BRIP1: variants seen among roughly 807,000 people sequenced by gnomAD.
BRIP1 encodes the protein Fanconi anemia group J protein.
In BRIP1, 88 loss-of-function variants were observed where a neutral mutation model predicts 119.7. That is an observed-to-expected ratio of 0.74 (90% CI 0.62 to 0.88). The LOEUF (loss-of-function observed/expected upper bound fraction) is 0.88, where lower values mean the gene tolerates loss of function less well. BRIP1 is among the 40% of genes least tolerant of loss of function. The pLI, the probability that BRIP1 is intolerant of heterozygous loss-of-function variation, is 0.00. For synonymous variants in BRIP1, 443 were observed against 496.5 expected (o/e 0.89, Z 1.43); for missense variants, 1,259 against 1,455.4 (o/e 0.87, Z 2.20).
rs1195122030 is a variant in BRIP1 at position 61,754,017 on chromosome 17, A to C, written c.2098-9426T>G. On this transcript the variant is annotated intron_variant, in intron 14 of 19. Coordinates refer to ENST00000259008, the MANE Select transcript of BRIP1 (RefSeq NM_032043.3). The surrounding 1 kb of genome is among the most constrained non-coding windows in gnomAD (Gnocchi z 4.1). ...TTCTCACTATCTTTACTGCTACCACAGTGGTCCAAGCCACCACCATCTATC... is the reference window on the plus strand; with the variant it reads ...TTCTCACTATCTTTACTGCTACCACCGTGGTCCAAGCCACCACCATCTATC... Among the ~76,000 whole-genome samples, 1 of 152,216 alleles carries C rather than the reference A, an allele frequency of 6.6e-6. No individual in the cohort carries two copies. The highest frequency in any genetic ancestry group is 1.5e-5 in the Non-Finnish European group (1 of 68,050).
Position 61,846,246 on chromosome 17 carries a change from A to AGAGAGAGAGAGAAAG in BRIP1, c.627+854_627+855insCTTTCTCTCTCTCTC, listed in dbSNP as rs2078729625. On this transcript the variant is annotated intron_variant, in intron 6 of 19. Coordinates refer to ENST00000259008, the MANE Select transcript of BRIP1 (RefSeq NM_032043.3). The surrounding 1 kb of genome is among the most constrained non-coding windows in gnomAD (Gnocchi z 4.3). ...ACATATAGAGAGAGAGAGAGAGAAA[A>AGAGAGAGAGAGAAAG]AGAGAGAGAGAGAGAAAGAGAGAGA... Among the ~76,000 whole-genome samples, 1 of 124,800 alleles carries AGAGAGAGAGAGAAAG rather than the reference A, an allele frequency of 8.0e-6. No homozygotes were observed. The highest frequency in any genetic ancestry group is 1.5e-5 in the Non-Finnish European group (1 of 67,202). The allele number at this position is 124,800 out of a possible 152,430, so 81.9% of individuals were successfully genotyped here.
rs2077055568 is a variant in BRIP1, at chr17:61,746,214, T to G, written c.2098-1623A>C. ...TATGCTTTAATTAAATAGGAAGAAC[T>G]ACTTTAATTCCATAAACACAGCTAA... is the stretch of plus-strand genomic sequence containing the variant. On this transcript the variant is annotated intron_variant, in intron 14 of 19. Coordinates refer to ENST00000259008, the MANE Select transcript of BRIP1 (RefSeq NM_032043.3). The surrounding 1 kb of genome is among the most constrained non-coding windows in gnomAD (Gnocchi z 4.9). Among the ~76,000 whole-genome samples, 1 of 152,200 alleles carries G rather than the reference T, an allele frequency of 6.6e-6. No homozygotes were observed. Among genetic ancestry groups the G allele is most frequent in the Admixed American group, 6.5e-5 (1 of 15,286 alleles).
Position 61,722,374 on chromosome 17 carries a change from A to T in BRIP1, c.2380-6311T>A, listed in dbSNP as rs181132959. Among the ~76,000 whole-genome samples the T allele has an allele frequency of 3.3e-5, 5 of 152,240 alleles. No homozygotes were observed. The East Asian group carries it at 9.7e-4, about 29-fold the overall frequency. ...GCTTTTTAGGGCAACATAAGTAGTA[A>T]ATGATAACATAACACCATAGTAAAT... On this transcript the variant is annotated intron_variant, in intron 16 of 19. Transcript: ENST00000259008. This position sits in a 1 kb window ranked among gnomAD's most constrained non-coding sequence, Gnocchi z 4.6.
chr17:61,743,146 G>GA lies in BRIP1; in HGVS notation c.2258-13dup, dbSNP rs2144680932. 1 of 1,613,524 alleles carries GA rather than the reference G, an allele frequency of 6.2e-7. No individual in the cohort carries two copies. Among genetic ancestry groups the GA allele is most frequent in the East Asian group, 2.2e-5 (1 of 44,826 alleles). On this transcript the variant is annotated splice_polypyrimidine_tract_variant and intron_variant, in intron 15 of 19. Coordinates refer to ENST00000259008, the MANE Select transcript of BRIP1 (RefSeq NM_032043.3). The surrounding 1 kb of genome is among the most constrained non-coding windows in gnomAD (Gnocchi z 4.3). ...CAGGAGAGCTCCATCTTAAACAACA[G>GA]AAAAAAGCATATCCAAAATTCTCAG...
Position 61,742,955 on chromosome 17 carries a change from A to G in BRIP1, c.2379+58T>C. 6.3e-7 allele frequency: 1 copy of G among 1,598,298 alleles called. No individual in the cohort carries two copies. The highest frequency in any genetic ancestry group is 8.6e-7 in the Non-Finnish European group (1 of 1,166,558). ...ATAAAATGAGGGATCCCTGCAATTA[A>G]CTTTATACAAAACCAATGACTCCTG... On this transcript the variant is annotated intron_variant, in intron 16 of 19. Transcript: ENST00000259008. This position sits in a 1 kb window ranked among gnomAD's most constrained non-coding sequence, Gnocchi z 4.7.
chr17:61,798,320 T>C lies in BRIP1; in HGVS notation c.1340+780A>G, dbSNP rs946071468. 2.0e-5 allele frequency among the ~76,000 whole-genome samples: 3 copies of C among 151,942 alleles called. No individual in the cohort carries two copies. Among genetic ancestry groups the C allele is most frequent in the African/African-American group, 7.2e-5 (3 of 41,418 alleles). On this transcript the variant is annotated intron_variant, in intron 9 of 19. Coordinates refer to ENST00000259008, the MANE Select transcript of BRIP1 (RefSeq NM_032043.3). This position sits in a 1 kb window ranked among gnomAD's most constrained non-coding sequence, Gnocchi z 5.5. Reference sequence around the variant, plus strand: ...AAATGTATGTATACTATGCCATCATTTGGAAAATAGTGAGGGACAAGAAAA... The same window carrying C: ...AAATGTATGTATACTATGCCATCATCTGGAAAATAGTGAGGGACAAGAAAA...
intron 16 of BRIP1, among the ~76,000 whole-genome samples, chr17:61,727,788 C>CTA (rs1567766117): frequency 6.9e-6 from 1 of 145,412 alleles, no homozygotes; most frequent in East Asian, 2.0e-4. Context: ...CTCTCTCTCT[C>CTA]TCTATATATA....
At position 61,776,442 on chromosome 17, in the gene BRIP1, T is replaced by C. The variant is rs769820537; in HGVS notation, c.2056A>G (p.Thr686Ala). The stretch of plus-strand genomic sequence containing the variant: ...AAACACAAAATTCCTTGGCTCACAG[T>C]CTGGCACACAGATAACAAAAGTGCT... ...VGALLLSVCQTVSQGILCFLP... is the reference protein window; with the variant it reads ...VGALLLSVCQAVSQGILCFLP... The change falls in exon 14 of 20, where the codon ACT (threonine) becomes GCT (alanine). Residue 686 changes from threonine (T) to alanine (A), a missense_variant. This residue lies in a region of BRIP1 where 753 missense variants were observed against 891.8 expected (regional missense o/e 0.84). Coordinates refer to ENST00000259008, the MANE Select transcript of BRIP1 (RefSeq NM_032043.3). The surrounding 1 kb of genome is among the most constrained non-coding windows in gnomAD (Gnocchi z 5.0). 1.1e-5 allele frequency: 18 copies of C among 1,614,032 alleles called. No homozygotes were observed. The highest frequency in any genetic ancestry group is 1.5e-5 in the Non-Finnish European group (18 of 1,180,014).
intron 14 of BRIP1, among the ~76,000 whole-genome samples, chr17:61,772,513 T>C (rs1410490505): frequency 2.6e-5 from 4 of 152,000 alleles, no homozygotes; most frequent in Non-Finnish European, 5.9e-5. Flanking sequence ...ATGTACTTAA[T>C]TGTACACACA....
intron 17 of BRIP1, among the ~76,000 whole-genome samples, chr17:61,697,712 T>C (rs1397423451): frequency 6.6e-6 from 1 of 152,098 alleles, no homozygotes; most frequent in East Asian, 1.9e-4. Context: ...TGCCTCGCTT[T>C]GGGTTTAGTT....
At chr17:61,685,700 T>C (rs2061349638) in intron 19 of BRIP1, 136 bp downstream of exon 19, 1 of 824,814 alleles carries the variant, frequency 1.2e-6, no homozygotes, top group African/African-American at 1.7e-5. Context: ...ACCATACTGT[T>C]TCACTATTTT....
In BRIP1 at chr17:61,748,373, G is replaced by A. The variant is rs2077086627; in HGVS notation, c.2098-3782C>T. On this transcript the variant is annotated intron_variant, in intron 14 of 19. Coordinates refer to ENST00000259008, the MANE Select transcript of BRIP1 (RefSeq NM_032043.3). This position sits in a 1 kb window ranked among gnomAD's most constrained non-coding sequence, Gnocchi z 4.7. ...AAAACCAGTCCCTGGTGCTAAGAAG[G>A]TTGGGGACCATTGATTTTAAAGACT... Among the ~76,000 whole-genome samples, 1 of 152,194 alleles carries A rather than the reference G, an allele frequency of 6.6e-6. No individual in the cohort carries two copies. Among genetic ancestry groups the A allele is most frequent in the South Asian group, 2.1e-4 (1 of 4,834 alleles).
intron 6 of BRIP1, among the ~76,000 whole-genome samples, chr17:61,837,686 G>A (rs1420269153): frequency 6.6e-6 from 1 of 152,048 alleles, no homozygotes; most frequent in Non-Finnish European, 1.5e-5. Context: ...ATATCAAAAC[G>A]TTAACATACT....
intron 17 of BRIP1, among the ~76,000 whole-genome samples, chr17:61,698,602 T>C (rs115099871): frequency 0.01 from 1,562 of 152,308 alleles, 19 homozygotes; most frequent in African/African-American, 0.034. Flanking sequence ...AGTCTCCAAG[T>C]ATTACTAAAT....
At position 61,689,026 on chromosome 17, in the gene BRIP1, C is replaced by CTGTTATGTTA. The variant is rs142198967; in HGVS notation, c.2576-2871_2576-2862dup. Reference sequence around the variant, plus strand: ...TACTTTATTTTATATATTTTATATTCTGTTATGTTATGTTATGTTATGTTA... The same window carrying CTGTTATGTTA: ...TACTTTATTTTATATATTTTATATTCTGTTATGTTATGTTATGTTATGTTATGTTATGTTA... On this transcript the variant is annotated intron_variant, in intron 18 of 19. Coordinates refer to ENST00000259008, the MANE Select transcript of BRIP1 (RefSeq NM_032043.3). The surrounding 1 kb of genome is among the most constrained non-coding windows in gnomAD (Gnocchi z 4.5). Among the ~76,000 whole-genome samples the CTGTTATGTTA allele has an allele frequency of 9.3e-3, 1,353 of 145,696 alleles. 21 individuals are homozygous for CTGTTATGTTA. Among genetic ancestry groups the CTGTTATGTTA allele is most frequent in the African/African-American group, 0.026 (1,004 of 38,490 alleles).
intron 10 of BRIP1, among the ~76,000 whole-genome samples, chr17:61,792,553 GA>G (rs2077834650): frequency 6.6e-6 from 1 of 152,162 alleles, no homozygotes; most frequent in Non-Finnish European, 1.5e-5. Context: ...TGCTAAGACA[GA>G]AGCCAGTCTG....
chr17:61,837,260 C>G (rs2078588863), intron 6 of BRIP1, among the ~76,000 whole-genome samples: 1 of 151,398 alleles, frequency 6.6e-6, no homozygotes, highest in Non-Finnish European at 1.5e-5. Context: ...TGTTAAATAG[C>G]TATTTTAAAT....
At position 61,778,498 on chromosome 17, in the gene BRIP1, TAA is replaced by T. The variant is rs752251912; in HGVS notation, c.1935+1761_1935+1762del. On this transcript the variant is annotated intron_variant, in intron 13 of 19. Transcript: ENST00000259008. The surrounding 1 kb of genome is among the most constrained non-coding windows in gnomAD (Gnocchi z 4.4). ...AATTTTATATATATTCTACCACAAT[TAA>T]AAGTTTTTTAAATTTTAAGTTGAAG... Among the ~76,000 whole-genome samples, 1 of 152,208 alleles carries T rather than the reference TAA, an allele frequency of 6.6e-6. No homozygotes were observed. Among genetic ancestry groups the T allele is most frequent in the Non-Finnish European group, 1.5e-5 (1 of 68,044 alleles).
At chr17:61,766,312 A>G (rs780507208) in intron 14 of BRIP1, among the ~76,000 whole-genome samples, 1 of 152,166 alleles carries the variant, frequency 6.6e-6, no homozygotes, top group Admixed American at 6.5e-5. Context: ...CTTTTTGTTT[A>G]ATAACCAAGA....
Sources: gnomAD v4.1 joint callset for allele counts (sites outside exome capture counted in the v4.1 genomes callset) on GRCh38, gnomAD v4.1.1 for gene constraint, gnomAD v4.1.1 regional missense constraint, Gnocchi (gnomAD v3.1) non-coding constraint, MANE v1.5 for transcripts, NCBI Gene and HGNC (gene_info 2026-07-23, HGNC 2026-07-21) for gene names.